The following ERC1 variants were observed in gnomAD, a reference collection of about 807,000 sequenced individuals.
ERC1 encodes the protein RAB6 interacting protein 2.
Under a neutral mutation model 132.0 loss-of-function variants are expected in ERC1, and 56 were observed. That is an observed-to-expected ratio of 0.42 (90% confidence interval 0.34 to 0.53). The LOEUF (loss-of-function observed/expected upper bound fraction) is 0.53, where lower values mean the gene tolerates loss of function less well. Among genes scored for constraint, ERC1 ranks in the 20% least tolerant of loss-of-function variants. The pLI, the probability that ERC1 is intolerant of heterozygous loss-of-function variation, is 0.03. For missense variants in ERC1, 1,202 were observed against 1,349.9 expected (o/e 0.89, Z 1.72); for synonymous variants, 478 against 476.1 (o/e 1.00, Z -0.05).
At chr12:1,472,391 A>C (rs2093880573) in intron 18 of ERC1, among the ~76,000 whole-genome samples, 1 of 152,210 alleles carries the variant, frequency 6.6e-6, no homozygotes, top group Admixed American at 6.5e-5. Flanking sequence ...GCTCCCCACT[A>C]TAATCCCAGC....
intron 16 of ERC1, among the ~76,000 whole-genome samples, chr12:1,396,459 C>T (rs1566764491): frequency 6.6e-6 from 1 of 152,176 alleles, no homozygotes; most frequent in Non-Finnish European, 1.5e-5. Flanking sequence ...TTACTAGGTA[C>T]TGAGTTGATA....
intron 3 of ERC1, among the ~76,000 whole-genome samples, chr12:1,101,589 G>C (rs1198271083): frequency 1.3e-5 from 2 of 152,178 alleles, no homozygotes; most frequent in African/African-American, 4.8e-5. Context: ...ATGTACCTGG[G>C]CTTTAATCAC....
chr12:1,250,948 T>G (rs1167695873), intron 13 of ERC1, among the ~76,000 whole-genome samples: 3 of 152,134 alleles, frequency 2.0e-5, no homozygotes, highest in African/African-American at 7.2e-5. Context: ...ATATTAAGAA[T>G]AAAGTTCAAA....
intron 16 of ERC1, among the ~76,000 whole-genome samples, chr12:1,389,000 G>T (rs1007336100): frequency 3.3e-5 from 5 of 152,156 alleles, no homozygotes; most frequent in Non-Finnish European, 7.3e-5. Flanking sequence ...AGCTCTTTCA[G>T]TATGAGGCCT....
At chr12:1,320,910 C>T (rs2154353840) in intron 15 of ERC1, among the ~76,000 whole-genome samples, 1 of 152,232 alleles carries the variant, frequency 6.6e-6, no homozygotes, top group Non-Finnish European at 1.5e-5. Flanking sequence ...ACCGTGTTAG[C>T]CAGGATGGTC....
At position 1,184,159 on chromosome 12, in the gene ERC1, A is replaced by G. The variant is rs987850495; in HGVS notation, c.2157+738A>G. Among the ~76,000 whole-genome samples the G allele has an allele frequency of 1.3e-4, 20 of 150,360 alleles. 1 individual carries two copies. Among genetic ancestry groups the G allele is most frequent in the Admixed American group, 1.2e-3 (18 of 15,022 alleles). On this transcript the variant is annotated intron_variant, in intron 11 of 18. Transcript: ENST00000360905. ...TCACAAAAAAAAAAAAAAAGAAAAA[A>G]AAAAGAATAAGTGGGAGCATATTTT...
At chr12:1,372,123 CT>C (rs1361876792) in intron 16 of ERC1, 146 bp downstream of exon 16, 22 of 1,022,896 alleles carry the variant, frequency 2.2e-5, no homozygotes, top group Non-Finnish European at 2.2e-5. Flanking sequence ...TCATTAGAGA[CT>C]TTTTATCTCC....
At chr12:1,444,999 A>AT (rs757550858) in intron 18 of ERC1, 44 of 383,676 alleles carry the variant, frequency 1.1e-4, no homozygotes, top group Non-Finnish European at 1.7e-4. Flanking sequence ...TTTTTAATTG[A>AT]TTTTTTACTG....
chr12:1,328,859 G>C lies in ERC1; in HGVS notation c.2780+38847G>C. On this transcript the variant is annotated intron_variant, in intron 15 of 18. Transcript: ENST00000360905. ...AATTCAGTGTTAGACACGGTTCTAC[G>C]TGTTAGCAGTATCATCTGGAATAAG... 1.7e-5 allele frequency among the ~76,000 whole-genome samples: 2 copies of C among 119,740 alleles called. 1 individual carries two copies. Among genetic ancestry groups the C allele is most frequent in the East Asian group, 6.1e-4 (2 of 3,294 alleles). 78.6% of individuals were successfully genotyped at this position (119,740 alleles called of 152,430 possible).
At chr12:1,000,447 C>T (rs1025833210) in intron 1 of ERC1, among the ~76,000 whole-genome samples, 1 of 150,388 alleles carries the variant, frequency 6.6e-6, no homozygotes, top group African/African-American at 2.5e-5. Context: ...GATTACACCA[C>T]TGCACTCCAG....
chr12:1,116,523 A>G (rs558093458), intron 7 of ERC1, among the ~76,000 whole-genome samples: 2 of 152,224 alleles, frequency 1.3e-5, no homozygotes, highest in East Asian at 1.9e-4. Flanking sequence ...TTATTAGACA[A>G]TGTGTCTTCA....
intron 15 of ERC1, among the ~76,000 whole-genome samples, chr12:1,353,542 T>TA (rs1280254865): frequency 6.6e-6 from 1 of 152,174 alleles, no homozygotes; most frequent in Non-Finnish European, 1.5e-5. Context: ...GTTCTATAAG[T>TA]AATTTCCTAA....
intron 3 of ERC1, among the ~76,000 whole-genome samples, chr12:1,097,542 T>A (rs982628343): frequency 2.6e-5 from 4 of 152,124 alleles, no homozygotes; most frequent in African/African-American, 7.2e-5. Flanking sequence ...ACTCAACTCA[T>A]GGCTCTCTGA....
chr12:1,434,065 C>T (rs899100962), intron 17 of ERC1, among the ~76,000 whole-genome samples: 7 of 151,566 alleles, frequency 4.6e-5, no homozygotes, highest in Non-Finnish European at 1.0e-4. Context: ...TAACATGGTG[C>T]AGAAAAGGCA....
Position 1,494,920 on chromosome 12 carries a change from G to C in ERC1, c.*4690G>C, listed in dbSNP as rs2154435769. The C allele has an allele frequency of 4.3e-6, 1 of 231,124 alleles. No homozygotes were observed. The highest frequency in any genetic ancestry group is 6.1e-5 in the East Asian group (1 of 16,308). 14.3% of individuals were successfully genotyped at this position (231,124 alleles called of 1,614,324 possible). A position where few individuals can be genotyped will look rare whatever the true frequency, so the allele number is the denominator to read the frequency against. On this transcript the variant is annotated 3_prime_UTR_variant, in exon 19 of 19. Transcript: ENST00000360905. ...CCCAGGCTGGCATAGGTGGCCCTGG[G>C]CTGGCGGCTTAGGAAGCATGGAGCA...
intron 12 of ERC1, among the ~76,000 whole-genome samples, chr12:1,194,383 C>T (rs567911304): frequency 2.0e-5 from 3 of 151,944 alleles, no homozygotes; most frequent in South Asian, 4.2e-4. Flanking sequence ...ATCATGCCAT[C>T]GCCCTCCAGC....
intron 16 of ERC1, among the ~76,000 whole-genome samples, chr12:1,399,852 G>A (rs1406375487): frequency 6.6e-6 from 1 of 152,156 alleles, no homozygotes; most frequent in Admixed American, 6.5e-5. Flanking sequence ...GTGAACATTT[G>A]TGGGTGCTTT....
intron 12 of ERC1, among the ~76,000 whole-genome samples, chr12:1,195,885 C>CCG (rs1555299210): frequency 6.9e-6 from 1 of 145,634 alleles, no homozygotes; most frequent in Admixed American, 6.8e-5. Context: ...GCCCCCCCCC[C>CCG]CCTTTTTTTG....
chr12:1,193,382 A>G (rs1955915667), intron 12 of ERC1, among the ~76,000 whole-genome samples: 1 of 152,052 alleles, frequency 6.6e-6, no homozygotes, highest in South Asian at 2.1e-4. Flanking sequence ...CATGTTCCAT[A>G]CTGTGGTGCA....
Sources: gnomAD v4.1 joint callset for allele counts (sites outside exome capture counted in the v4.1 genomes callset) on GRCh38, gnomAD v4.1.1 for gene constraint, MANE v1.5 for transcripts, NCBI Gene and HGNC (gene_info 2026-07-23, HGNC 2026-07-21) for gene names.